Variants in GFRA2 observed in about 807,000 individuals in gnomAD.
GFRA2 encodes GDNF family receptor alpha-2.
In GFRA2, 17 loss-of-function variants were observed where a neutral mutation model predicts 48.3. The ratio of observed to expected loss-of-function variants is 0.35; its 90% confidence interval spans 0.24 to 0.53. GFRA2 has a LOEUF of 0.53. Ranked by LOEUF, GFRA2 falls within the 20% of genes least tolerant of loss-of-function variation. The pLI is 0.93. For missense variants in GFRA2, 660 were observed against 637.3 expected (o/e 1.04, Z -0.38); for synonymous variants, 305 against 257.2 (o/e 1.19, Z -1.78).
chr8:21,782,919 G>A lies in GFRA2; in HGVS notation c.41-20C>T, dbSNP rs2117073633. 1.3e-6 allele frequency: 2 copies of A among 1,537,824 alleles called. No individual in the cohort carries two copies. The highest frequency in any genetic ancestry group is 1.4e-5 in the African/African-American group (1 of 73,324). On this transcript the variant is annotated intron_variant, in intron 1 of 8. Transcript: ENST00000524240. Reference sequence around the variant, plus strand: ...TCTCGTCTGGGTGGTGGGGAGGGAAGACAAGCATGAATGACGGCCGCCACA... The same window carrying A: ...TCTCGTCTGGGTGGTGGGGAGGGAAAACAAGCATGAATGACGGCCGCCACA...
rs10674628 is a variant in GFRA2 at position 21,714,246 on chromosome 8, C to CTTTTTTTTTTTTTT, written c.795-8219_795-8206dup. ...GATCAATACATACTGGTCTGAAGTT[C>CTTTTTTTTTTTTTT]TTTTTTTTTTTTTTTTTTTTTTTGA... On this transcript the variant is annotated intron_variant, in intron 4 of 8. Transcript: ENST00000524240. 3.8e-4 allele frequency among the ~76,000 whole-genome samples: 30 copies of CTTTTTTTTTTTTTT among 78,402 alleles called. 3 individuals carry two copies. Among genetic ancestry groups the CTTTTTTTTTTTTTT allele is most frequent in the East Asian group, 9.4e-4 (2 of 2,122 alleles). The allele number at this position is 78,402 out of a possible 152,430, so 51.4% of individuals were successfully genotyped here.
chr8:21,777,901 A>G (rs1806787882), intron 2 of GFRA2, among the ~76,000 whole-genome samples: 1 of 152,076 alleles, frequency 6.6e-6, no homozygotes, highest in African/African-American at 2.4e-5. Flanking sequence ...TGATTGCCAG[A>G]TCCTCTGCAG....
At chr8:21,790,603 C>T (rs1219356664), upstream of GFRA2, among the ~76,000 whole-genome samples, 1 of 152,216 alleles carries the variant, frequency 6.6e-6, no homozygotes, top group South Asian at 2.1e-4. Context: ...TTCCTGTGGT[C>T]CGTCCTGGGG....
At chr8:21,787,814 G>C (rs1208395063) in intron 1 of GFRA2, among the ~76,000 whole-genome samples, 1 of 152,338 alleles carries the variant, frequency 6.6e-6, no homozygotes, top group East Asian at 1.9e-4. Flanking sequence ...TATTTCGGGG[G>C]AGATGCGCGC....
intron 3 of GFRA2, among the ~76,000 whole-genome samples, chr8:21,761,678 G>C (rs549907288): frequency 9.2e-5 from 14 of 152,186 alleles, no homozygotes; most frequent in Non-Finnish European, 1.8e-4. Context: ...GGCTGGGTGC[G>C]GTTGCTCACA....
At chr8:21,795,435 T>C (rs1034700637) in intron 2 of GFRA2, among the ~76,000 whole-genome samples, 27 of 151,874 alleles carry the variant, frequency 1.8e-4, no homozygotes, top group African/African-American at 6.5e-4. Context: ...GTCTGTCACC[T>C]AGGCCGGAGT....
At position 21,693,265 on chromosome 8, in the gene GFRA2, C is replaced by A; in HGVS notation, c.*13G>T. 6.2e-7 allele frequency: 1 copy of A among 1,601,632 alleles called. No homozygotes were observed. Among genetic ancestry groups the A allele is most frequent in the Non-Finnish European group, 8.5e-7 (1 of 1,173,582 alleles). On this transcript the variant is annotated 3_prime_UTR_variant, in exon 9 of 9. Coordinates refer to ENST00000524240, the MANE Select transcript of GFRA2 (RefSeq NM_001495.5). ...CGTAGCTTTCAAAAATATTCTGACTCGGTTCCCACAGCCTACAAGGCCAGT... is the reference window on the plus strand; with the variant it reads ...CGTAGCTTTCAAAAATATTCTGACTAGGTTCCCACAGCCTACAAGGCCAGT...
At chr8:21,754,501 T>C (rs1303064602) in intron 3 of GFRA2, among the ~76,000 whole-genome samples, 1 of 142,908 alleles carries the variant, frequency 7.0e-6, no homozygotes, top group Non-Finnish European at 1.5e-5. Context: ...TGGTCTTTTT[T>C]TTTCTTTTTT....
chr8:21,770,178 A>G (rs35207020), intron 3 of GFRA2, among the ~76,000 whole-genome samples: 59,458 of 152,004 alleles, frequency 0.39, 11,940 homozygotes, highest in African/African-American at 0.47. Flanking sequence ...ACCAAGCACT[A>G]TCCCAGCGTG....
intron 4 of GFRA2, among the ~76,000 whole-genome samples, chr8:21,748,948 CCTT>C (rs1297592687): frequency 2.0e-5 from 3 of 152,198 alleles, no homozygotes; most frequent in Non-Finnish European, 4.4e-5. Flanking sequence ...GCTTTCTCCT[CCTT>C]GTTTCCCAAG....
At chr8:21,725,478 A>G (rs535264324) in intron 4 of GFRA2, among the ~76,000 whole-genome samples, 119 of 152,272 alleles carry the variant, frequency 7.8e-4, no homozygotes, top group African/African-American at 2.7e-3. Context: ...TACTTTAGAA[A>G]CCTGTATTTT....
At chr8:21,739,700 G>T (rs1269425871) in intron 4 of GFRA2, among the ~76,000 whole-genome samples, 3 of 152,132 alleles carry the variant, frequency 2.0e-5, no homozygotes, top group Admixed American at 2.0e-4. Flanking sequence ...ATATCCCAAG[G>T]CTGCCACGGG....
intron 4 of GFRA2, among the ~76,000 whole-genome samples, chr8:21,734,013 C>G (rs142167646): frequency 2.0e-5 from 3 of 152,320 alleles, no homozygotes; most frequent in African/African-American, 7.2e-5. Context: ...CAAAACGATG[C>G]AGGCCTGAGT....
chr8:21,805,580 T>A (rs1807845637), intron 1 of GFRA2, among the ~76,000 whole-genome samples: 1 of 152,158 alleles, frequency 6.6e-6, no homozygotes, highest in Non-Finnish European at 1.5e-5. Flanking sequence ...TGACATTTCA[T>A]TTACCCTCAT....
chr8:21,694,077 T>TTA lies in GFRA2; in HGVS notation c.1272+385_1272+386dup, dbSNP rs1161900689. On this transcript the variant is annotated intron_variant, in intron 8 of 8. Coordinates refer to ENST00000524240, the MANE Select transcript of GFRA2 (RefSeq NM_001495.5). ...TATTTATATATATATTTATTTATTT[T>TTA]TATATATATATATATTTCCTATAGT... Among the ~76,000 whole-genome samples the TTA allele has an allele frequency of 4.0e-4, 44 of 109,288 alleles. 4 individuals are homozygous for TTA. Among genetic ancestry groups the TTA allele is most frequent in the South Asian group, 1.5e-3 (5 of 3,302 alleles). 71.7% of individuals were successfully genotyped at this position (109,288 alleles called of 152,430 possible). A position where few individuals can be genotyped will look rare whatever the true frequency, so the allele number is the denominator to read the frequency against.
In GFRA2 at chr8:21,693,261, G is replaced by C. The variant is rs1342103807; in HGVS notation, c.*17C>G. ...TCTGCGTAGCTTTCAAAAATATTCT[G>C]ACTCGGTTCCCACAGCCTACAAGGC... On this transcript the variant is annotated 3_prime_UTR_variant, in exon 9 of 9. Transcript: ENST00000524240. The C allele has an allele frequency of 1.2e-6, 2 of 1,600,894 alleles. No homozygotes were observed. The highest frequency in any genetic ancestry group is 2.7e-5 in the African/African-American group (2 of 74,338).
chr8:21,698,777 C>T lies in GFRA2; in HGVS notation c.1218+4028G>A, dbSNP rs147487669. On this transcript the variant is annotated intron_variant, in intron 7 of 8. Coordinates refer to ENST00000524240, the MANE Select transcript of GFRA2 (RefSeq NM_001495.5). ...ACCCCCACTCAGCACAGCAGACCCCCACTCAGTATAGTAGACCCCCACTCA... is the reference window on the plus strand; with the variant it reads ...ACCCCCACTCAGCACAGCAGACCCCTACTCAGTATAGTAGACCCCCACTCA... Among the ~76,000 whole-genome samples the T allele has an allele frequency of 5.7e-3, 870 of 152,006 alleles. 6 individuals are homozygous for T. Among genetic ancestry groups the T allele is most frequent in the South Asian group, 0.014 (69 of 4,792 alleles).
rs1331641180 is a variant in GFRA2, at chr8:21,788,238, T to C, written c.-79A>G. On this transcript the variant is annotated 5_prime_UTR_variant, in exon 1 of 9. Coordinates refer to ENST00000524240, the MANE Select transcript of GFRA2 (RefSeq NM_001495.5). ...ATAGTAGTAACAACAACAATAATAATAGGCAAGCAGTGGTAATCAGCCCCA... is the reference window on the plus strand; with the variant it reads ...ATAGTAGTAACAACAACAATAATAACAGGCAAGCAGTGGTAATCAGCCCCA... The C allele has an allele frequency of 1.9e-6, 3 of 1,565,808 alleles. No individual in the cohort carries two copies. Among genetic ancestry groups the C allele is most frequent in the East Asian group, 2.4e-5 (1 of 40,916 alleles).
chr8:21,719,525 G>C (rs183309986), intron 4 of GFRA2, among the ~76,000 whole-genome samples: 1 of 152,304 alleles, frequency 6.6e-6, no homozygotes, highest in African/African-American at 2.4e-5. Flanking sequence ...TAAGTAAGCT[G>C]AACAAGAGAT....
Sources: allele counts gnomAD v4.1 joint callset (sites outside exome capture counted in the v4.1 genomes callset), GRCh38; gene constraint gnomAD v4.1.1; transcripts MANE v1.5; gene names NCBI Gene and HGNC (gene_info 2026-07-23, HGNC 2026-07-21).